The following PDXDC1 variants were observed in gnomAD, a reference collection of about 807,000 sequenced individuals.
PDXDC1 encodes pyridoxal dependent decarboxylase domain containing 1, also known as pyridoxal-dependent decarboxylase domain-containing protein 1.
In PDXDC1, 42 loss-of-function variants were observed where a neutral mutation model predicts 100.1. That is an observed-to-expected ratio of 0.42 (90% CI 0.33 to 0.54). PDXDC1 has a LOEUF of 0.54. PDXDC1 is among the 20% of genes least tolerant of loss of function. The probability of loss-of-function intolerance (pLI) is 0.10; values close to 1 mark genes in which losing one functional copy is unlikely to be tolerated. For missense variants in PDXDC1, 636 were observed against 979.2 expected, an observed-to-expected ratio of 0.65 and a Z score of 4.68; for synonymous variants, 260 against 371.7, an observed-to-expected ratio of 0.70 and a Z score of 3.46.
At chr16:14,987,305 A>C (rs1177161248) in intron 1 of PDXDC1, among the ~76,000 whole-genome samples, 2 of 152,292 alleles carry the variant, frequency 1.3e-5, no homozygotes, top group African/African-American at 4.8e-5. Flanking sequence ...TCATTTACTT[A>C]CTTGATAAAA....
chr16:15,141,753 G>A (rs542131557), downstream of PDXDC1, among the ~76,000 whole-genome samples: 12 of 152,360 alleles, frequency 7.9e-5, no homozygotes, highest in East Asian at 1.9e-4. Context: ...CATCCCCGCC[G>A]TGGGGTGGGA....
At chr16:15,086,475 C>G (rs1464160716) in intron 16 of PDXDC1, 1 of 1,609,470 alleles carries the variant, frequency 6.2e-7, no homozygotes. Context: ...ACAAAGAGTA[C>G]TTTCAAAATC....
intron 16 of PDXDC1, chr16:15,133,811 C>G: frequency 6.3e-7 from 1 of 1,586,872 alleles, no homozygotes; most frequent in Non-Finnish European, 8.5e-7. Flanking sequence ...ATTCGAAGTG[C>G]ACCTTGGTGG....
intron 14 of PDXDC1, among the ~76,000 whole-genome samples, chr16:15,027,344 G>T (rs2151598857): frequency 6.6e-6 from 1 of 152,410 alleles, no homozygotes; most frequent in East Asian, 1.9e-4. Flanking sequence ...CCCCATGGCA[G>T]CATCTGGGGG....
chr16:15,125,648 C>G, intron 16 of PDXDC1: 1 of 1,250,134 alleles, frequency 8.0e-7, no homozygotes, highest in Non-Finnish European at 1.2e-6. Flanking sequence ...GCCAAGGCGG[C>G]AGGACCCCCA....
intron 16 of PDXDC1, chr16:15,047,159 C>T (rs8050143): frequency 8.7e-6 from 4 of 462,232 alleles, no homozygotes; most frequent in African/African-American, 5.9e-5. Context: ...GAGAGCAAAA[C>T]GATGTGAAAA....
chr16:15,124,590 T>C (rs2047601934), intron 16 of PDXDC1, among the ~76,000 whole-genome samples: 1 of 147,476 alleles, frequency 6.8e-6, no homozygotes, highest in Admixed American at 6.8e-5. Flanking sequence ...CTGGCCAATA[T>C]GGTGAAACCC....
chr16:15,106,283 C>T (rs1203107884), intron 16 of PDXDC1: 2 of 1,166,880 alleles, frequency 1.7e-6, no homozygotes, highest in Non-Finnish European at 1.2e-6. Flanking sequence ...TAGTCCTCTG[C>T]CCGCCGCCGC....
At chr16:15,061,943 T>G in intron 16 of PDXDC1, 1 of 1,571,588 alleles carries the variant, frequency 6.4e-7, no homozygotes, top group Non-Finnish European at 8.7e-7. Context: ...ACATCACCAG[T>G]GCTGACTGAA....
In PDXDC1 at chr16:15,130,725, T is replaced by C. The variant is rs747192752; in HGVS notation, c.1400-8154T>C. On this transcript the variant is annotated intron_variant, in intron 16 of 16. Transcript: ENST00000535621. ...CCTGCTAGCCGAGCAGTTGTGCTCA[T>C]TGGGCCGGGGCTCCGAGTGCAGGTA... 16 of 1,489,594 alleles carry C rather than the reference T, an allele frequency of 1.1e-5. No individual in the cohort carries two copies. The East Asian group carries it at 1.1e-4, about 11-fold the overall frequency. The allele number at this position is 1,489,594 out of a possible 1,614,324, so 92.3% of individuals were successfully genotyped here.
chr16:15,020,811 C>G (rs1163647882), intron 12 of PDXDC1, among the ~76,000 whole-genome samples: 1 of 152,014 alleles, frequency 6.6e-6, no homozygotes, highest in African/African-American at 2.4e-5. Context: ...TGGTGAGACT[C>G]CGTCTCTATT....
chr16:15,059,717 A>G (rs1395757536), intron 16 of PDXDC1, among the ~76,000 whole-genome samples: 1 of 152,248 alleles, frequency 6.6e-6, no homozygotes, highest in African/African-American at 2.4e-5. Context: ...GTAATTTATA[A>G]GGAGATTTCA....
intron 16 of PDXDC1, among the ~76,000 whole-genome samples, chr16:15,091,731 T>C (rs2046137157): frequency 6.6e-6 from 1 of 152,212 alleles, no homozygotes; most frequent in Non-Finnish European, 1.5e-5. Flanking sequence ...TGGATACAAA[T>C]GGATATTACA....
intron 8 of PDXDC1, among the ~76,000 whole-genome samples, chr16:15,014,861 T>C (rs1381816490): frequency 2.6e-5 from 4 of 152,294 alleles, no homozygotes; most frequent in African/African-American, 9.6e-5. Flanking sequence ...GTGCTTAATA[T>C]GCTTAAGCTG....
At chr16:15,128,531 C>T (rs968679172) in intron 16 of PDXDC1, 10 of 643,664 alleles carry the variant, frequency 1.6e-5, no homozygotes, top group East Asian at 5.4e-5. Context: ...CTGCCATACA[C>T]GAGGAGCTGA....
intron 16 of PDXDC1, chr16:15,128,190 GA>G (rs1567300161): frequency 1.2e-6 from 2 of 1,609,794 alleles, no homozygotes; most frequent in Admixed American, 3.3e-5. Flanking sequence ...CGCGGGGGCA[GA>G]GGGGCAGAGC....
intron 5 of PDXDC1, among the ~76,000 whole-genome samples, chr16:15,005,513 G>C (rs959525419): frequency 6.6e-6 from 1 of 152,260 alleles, no homozygotes; most frequent in Non-Finnish European, 1.5e-5. Flanking sequence ...CATTTATCTT[G>C]AGAGACCCTG....
intron 16 of PDXDC1, among the ~76,000 whole-genome samples, chr16:15,096,131 CAG>C (rs1032490882): frequency 4.0e-5 from 6 of 151,178 alleles, no homozygotes; most frequent in Non-Finnish European, 5.9e-5. Flanking sequence ...TTTTTTGAGA[CAG>C]AGTCTCGCTC....
At chr16:15,061,993 T>C (rs2044733584) in intron 16 of PDXDC1, 2 of 1,292,146 alleles carry the variant, frequency 1.5e-6, no homozygotes, top group African/African-American at 3.0e-5. Flanking sequence ...GTGTTAACGT[T>C]TGTAAAGATG....
Sources: allele counts gnomAD v4.1 joint callset (sites outside exome capture counted in the v4.1 genomes callset), GRCh38; gene constraint gnomAD v4.1.1; transcripts MANE v1.5; gene names NCBI Gene and HGNC (gene_info 2026-07-23, HGNC 2026-07-21).